CCSER2: variants seen among roughly 807,000 people sequenced by gnomAD.
CCSER2 encodes serine-rich coiled-coil domain-containing protein 2.
In CCSER2, 46 loss-of-function variants were observed where a neutral mutation model predicts 92.3. That is an observed-to-expected ratio of 0.50 (90% confidence interval 0.39 to 0.64). CCSER2 has a LOEUF of 0.64. CCSER2 is among the 30% of genes least tolerant of loss of function. The pLI is 0.00. For synonymous variants in CCSER2, 433 were observed against 431.4 expected, an observed-to-expected ratio of 1.00 and a Z score of -0.04; for missense variants, 1,244 against 1,238.9, an observed-to-expected ratio of 1.00 and a Z score of -0.06.
At chr10:84,477,398 A>G (rs1458400073) in intron 8 of CCSER2, among the ~76,000 whole-genome samples, 177 bp from the exon 9 acceptor site, 1 of 152,160 alleles carries the variant, frequency 6.6e-6, no homozygotes, top group African/African-American at 2.4e-5. Context: ...TGATTTGGTT[A>G]CATACCCCCT....
At chr10:84,352,307 A>AAAACACAAAC (rs1844909431) in intron 1 of CCSER2, among the ~76,000 whole-genome samples, 1 of 119,504 alleles carries the variant, frequency 8.4e-6, no homozygotes, top group Non-Finnish European at 1.9e-5. Context: ...TGTCTCAAAA[A>AAAACACAAAC]AAACAAAAAC....
At chr10:84,434,966 T>C (rs967433816) in intron 5 of CCSER2, among the ~76,000 whole-genome samples, 1 of 152,202 alleles carries the variant, frequency 6.6e-6, no homozygotes, top group Non-Finnish European at 1.5e-5. Flanking sequence ...TTGAAAAGTA[T>C]ATAGGTTTCT....
intron 9 of CCSER2, among the ~76,000 whole-genome samples, chr10:84,506,667 G>A (rs768086938): frequency 2.6e-5 from 4 of 151,976 alleles, no homozygotes; most frequent in Admixed American, 2.0e-4. Flanking sequence ...GGTGGCAGGC[G>A]CCTGTAATAC....
In CCSER2 at chr10:84,372,352, A is replaced by G. The variant is rs371811296; in HGVS notation, c.1300A>G (p.Met434Val). The change falls in exon 2 of 10, where the codon ATG becomes GTG. Residue 434 changes from methionine (M) to valine (V), a missense_variant. Transcript: ENST00000372088. ...SNRTRITPEE[M>V]SLKEEKHENG... is the part of the protein sequence containing the mutation. ...CAGAACTAGAATAACTCCAGAGGAAATGTCTCTCAAAGAAGAGAAACATGA... is the reference window on the plus strand; with the variant it reads ...CAGAACTAGAATAACTCCAGAGGAAGTGTCTCTCAAAGAAGAGAAACATGA... The G allele has an allele frequency of 1.9e-6, 3 of 1,612,190 alleles. No homozygotes were observed. The Admixed American group carries it at 5.0e-5, about 27-fold the overall frequency.
At position 84,465,905 on chromosome 10, in the gene CCSER2, C is replaced by T. The variant is rs979445539; in HGVS notation, c.2148+1889C>T. On this transcript the variant is annotated intron_variant, in intron 7 of 9. Transcript: ENST00000372088. ...AGCTGGGACTACAGGTGCCCACCACCGCGCCCAGCTAATTTTTTGTATTTT... is the reference window on the plus strand; with the variant it reads ...AGCTGGGACTACAGGTGCCCACCACTGCGCCCAGCTAATTTTTTGTATTTT... Among the ~76,000 whole-genome samples, 5 of 152,164 alleles carry T rather than the reference C, an allele frequency of 3.3e-5. No individual in the cohort carries two copies. In the South Asian group the frequency reaches 1.0e-3, roughly 32 times the overall value.
At chr10:84,480,749 T>C (rs1188511121) in intron 9 of CCSER2, among the ~76,000 whole-genome samples, 2 of 152,210 alleles carry the variant, frequency 1.3e-5, no homozygotes, top group Non-Finnish European at 2.9e-5. Context: ...GTTAACATTT[T>C]ATATATGGTC....
intron 3 of CCSER2, among the ~76,000 whole-genome samples, chr10:84,374,609 A>T (rs1846234356): frequency 6.6e-6 from 1 of 152,196 alleles, no homozygotes; most frequent in Non-Finnish European, 1.5e-5. Context: ...AGGAAGTGTA[A>T]TCTTTGTGTG....
At chr10:84,332,426 A>ATT in intron 1 of CCSER2, among the ~76,000 whole-genome samples, 1 of 77,992 alleles carries the variant, frequency 1.3e-5, no homozygotes. Flanking sequence ...ATATATATAT[A>ATT]TATATATATA....
intron 8 of CCSER2, among the ~76,000 whole-genome samples, 168 bp from the exon 9 acceptor site, chr10:84,477,407 C>T (rs914714453): frequency 6.6e-6 from 1 of 152,082 alleles, no homozygotes; most frequent in Non-Finnish European, 1.5e-5. Flanking sequence ...TACATACCCC[C>T]TAAAAGAGCC....
intron 6 of CCSER2, among the ~76,000 whole-genome samples, chr10:84,446,284 A>C (rs908629188): frequency 1.3e-5 from 2 of 152,212 alleles, no homozygotes; most frequent in African/African-American, 4.8e-5. Flanking sequence ...AAAATAAAGG[A>C]GTATATAATA....
chr10:84,436,324 T>A (rs1844128587), intron 5 of CCSER2, among the ~76,000 whole-genome samples: 1 of 5,062 alleles, frequency 2.0e-4, no homozygotes, highest in Non-Finnish European at 3.6e-4. Context: ...AGACTCCGTC[T>A]CAAAAAAAAA....
chr10:84,448,881 AT>A (rs2133572842), intron 6 of CCSER2, among the ~76,000 whole-genome samples: 1 of 152,210 alleles, frequency 6.6e-6, no homozygotes, highest in South Asian at 2.1e-4. Context: ...TGGTTTTGAT[AT>A]TCATCTGTGT....
intron 3 of CCSER2, chr10:84,394,050 T>A (rs1841680864): frequency 6.6e-6 from 1 of 152,244 alleles, no homozygotes; most frequent in South Asian, 2.1e-4. Flanking sequence ...GATCTTTTTG[T>A]CCTATTAATA....
chr10:84,472,903 A>C (rs926520653), intron 8 of CCSER2: 1 of 152,178 alleles, frequency 6.6e-6, no homozygotes, highest in African/African-American at 2.4e-5. Context: ...AGTTGTTCCA[A>C]AAACATCCTG....
At chr10:84,329,548 A>T (rs963745399) in intron 1 of CCSER2, among the ~76,000 whole-genome samples, 19 of 152,222 alleles carry the variant, frequency 1.2e-4, no homozygotes, top group African/African-American at 4.3e-4. Flanking sequence ...CTCCTGTAAG[A>T]GAGAAATTGA....
intron 5 of CCSER2, among the ~76,000 whole-genome samples, chr10:84,436,733 A>G (rs1305543878): frequency 6.6e-6 from 1 of 152,134 alleles, no homozygotes; most frequent in Non-Finnish European, 1.5e-5. Flanking sequence ...TGTCTGTGGC[A>G]TCATAAAATC....
chr10:84,464,103 T>A, intron 7 of CCSER2, 87 bp downstream of exon 7: 1 of 686,418 alleles, frequency 1.5e-6, no homozygotes, highest in South Asian at 1.9e-5. Context: ...CAATAATAAA[T>A]GTATTAATAC....
At chr10:84,347,184 C>T (rs1321123318) in intron 1 of CCSER2, among the ~76,000 whole-genome samples, 1 of 152,218 alleles carries the variant, frequency 6.6e-6, no homozygotes, top group Non-Finnish European at 1.5e-5. Context: ...TACTTCCTTC[C>T]ACACAGACAC....
At chr10:84,428,555 T>G (rs1199092429) in intron 5 of CCSER2, among the ~76,000 whole-genome samples, 1 of 152,208 alleles carries the variant, frequency 6.6e-6, no homozygotes, top group Non-Finnish European at 1.5e-5. Context: ...ATATGTTATC[T>G]GCAAATAGTT....
Sources: allele counts gnomAD v4.1 joint callset (sites outside exome capture counted in the v4.1 genomes callset), GRCh38; gene constraint gnomAD v4.1.1; transcripts MANE v1.5; gene names NCBI Gene and HGNC (gene_info 2026-07-23, HGNC 2026-07-21).